CRYBG1: variants seen among roughly 807,000 people sequenced by gnomAD.
CRYBG1 encodes the protein beta/gamma crystallin domain-containing protein 1.
CRYBG1 carries 139 observed loss-of-function variants against 189.2 expected under a neutral mutation model. The observed-to-expected ratio is 0.73, with a 90% CI of 0.64 to 0.85. The LOEUF is 0.85. Among genes scored for constraint, CRYBG1 ranks in the 40% least tolerant of loss-of-function variants. The pLI is 0.00. For synonymous variants in CRYBG1, 1,023 were observed against 1,017.1 expected (o/e 1.01, Z -0.11); for missense variants, 2,611 against 2,675.8 (o/e 0.98, Z 0.53).
At position 106,560,800 on chromosome 6, in the gene CRYBG1, C is replaced by A; in HGVS notation, c.5856-3C>A. ...CACTTACTGTGGTTATTTTTGTTTT[C>A]AGATGGGTTACTTATGAATATGGCA... On this transcript the variant is annotated splice_region_variant and splice_polypyrimidine_tract_variant and intron_variant, in intron 18 of 21. Coordinates refer to ENST00000633556, the MANE Select transcript of CRYBG1 (RefSeq NM_001371242.2). The A allele has an allele frequency of 6.2e-7, 1 of 1,600,966 alleles. No homozygotes were observed. The highest frequency in any genetic ancestry group is 1.1e-5 in the South Asian group (1 of 88,152).
chr6:106,432,250 G>A (rs184063759), intron 1 of CRYBG1, among the ~76,000 whole-genome samples: 1 of 152,176 alleles, frequency 6.6e-6, no homozygotes, highest in Non-Finnish European at 1.5e-5. Context: ...AATGCTTTCT[G>A]CATGACTTTG....
chr6:106,370,382 A>G (rs760683195), intron 1 of CRYBG1, among the ~76,000 whole-genome samples: 25 of 152,226 alleles, frequency 1.6e-4, no homozygotes, highest in Non-Finnish European at 1.8e-4. Context: ...GTTGCTGCCC[A>G]TGCTAAAGAG....
intron 18 of CRYBG1, among the ~76,000 whole-genome samples, chr6:106,559,782 A>G (rs1027489494): frequency 6.6e-6 from 1 of 151,420 alleles, no homozygotes; most frequent in Non-Finnish European, 1.5e-5. Context: ...GTGAAACTCC[A>G]TCTAAAAAAG....
chr6:106,526,958 A>AG (rs1773751944), intron 6 of CRYBG1, among the ~76,000 whole-genome samples: 1 of 150,366 alleles, frequency 6.7e-6, no homozygotes, highest in South Asian at 2.1e-4. Context: ...AAAAAAAAAA[A>AG]AGAGACAAAA....
At chr6:106,403,520 T>C (rs1280789304) in intron 1 of CRYBG1, among the ~76,000 whole-genome samples, 1 of 152,232 alleles carries the variant, frequency 6.6e-6, no homozygotes, top group Non-Finnish European at 1.5e-5. Context: ...GGAATGGCAA[T>C]TGGATTTGTT....
chr6:106,498,047 G>T (rs1340217063), intron 2 of CRYBG1, among the ~76,000 whole-genome samples: 2 of 149,964 alleles, frequency 1.3e-5, no homozygotes, highest in African/African-American at 4.9e-5. Flanking sequence ...GTTGCATTGA[G>T]CCAAGATCAC....
intron 11 of CRYBG1, 38 bp downstream of exon 11, chr6:106,543,635 T>TC: frequency 1.3e-6 from 2 of 1,588,704 alleles, no homozygotes; most frequent in Admixed American, 1.8e-5. Context: ...TTCTTTTTTT[T>TC]CCGAAATATT....
chr6:106,511,231 A>G (rs1773251281), intron 2 of CRYBG1, among the ~76,000 whole-genome samples, 199 bp from the exon 3 acceptor site: 1 of 152,222 alleles, frequency 6.6e-6, no homozygotes, highest in Admixed American at 6.5e-5. Context: ...ACTGCCAGAA[A>G]CTTAAGGTGT....
chr6:106,478,155 G>A (rs567245775), intron 2 of CRYBG1, among the ~76,000 whole-genome samples: 40 of 152,322 alleles, frequency 2.6e-4, no homozygotes, highest in Non-Finnish European at 4.6e-4. Flanking sequence ...ATAATCCCTC[G>A]TATCCTTCAA....
At chr6:106,415,410 A>G (rs1053949735) in intron 1 of CRYBG1, among the ~76,000 whole-genome samples, 6 of 152,170 alleles carry the variant, frequency 3.9e-5, no homozygotes, top group African/African-American at 1.4e-4. Flanking sequence ...GAAATGGAAC[A>G]AAAGTCCTTC....
chr6:106,402,814 A>T (rs1770746654), intron 1 of CRYBG1, among the ~76,000 whole-genome samples: 1 of 152,066 alleles, frequency 6.6e-6, no homozygotes, highest in African/African-American at 2.4e-5. Context: ...TGAAGGAATG[A>T]TAATTAGCTC....
chr6:106,381,329 T>C (rs1274198640), intron 1 of CRYBG1, among the ~76,000 whole-genome samples: 2 of 152,184 alleles, frequency 1.3e-5, no homozygotes. Context: ...TGGCCAAAAT[T>C]CCTAAATTCT....
Position 106,571,635 on chromosome 6 carries a change from G to A in CRYBG1, c.*3069G>A, listed in dbSNP as rs966906603. 9.5e-6 allele frequency: 2 copies of A among 209,794 alleles called. No individual in the cohort carries two copies. Among genetic ancestry groups the A allele is most frequent in the Admixed American group, 1.1e-4 (2 of 18,068 alleles). The allele number at this position is 209,794 out of a possible 1,614,324, so 13.0% of individuals were successfully genotyped here. ...AATCGCTTAAGGTCAAGGCTGCAGT[G>A]AGCTGTGATTGTGCCACTGCACTCC... is the stretch of plus-strand genomic sequence containing the variant. On this transcript the variant is annotated 3_prime_UTR_variant, in exon 22 of 22. Coordinates refer to ENST00000633556, the MANE Select transcript of CRYBG1 (RefSeq NM_001371242.2).
intron 2 of CRYBG1, among the ~76,000 whole-genome samples, chr6:106,489,111 G>T (rs1181658034): frequency 6.6e-6 from 1 of 152,284 alleles, no homozygotes. Context: ...CATAAGAAAG[G>T]TCTCTCCAGC....
At chr6:106,371,003 A>T (rs76471676) in intron 1 of CRYBG1, among the ~76,000 whole-genome samples, 3,358 of 152,284 alleles carry the variant, frequency 0.022, 55 homozygotes, top group South Asian at 0.059. Context: ...CCTACTACCT[A>T]AAAAAAGCCA....
chr6:106,480,294 A>G (rs1772419938), intron 2 of CRYBG1, among the ~76,000 whole-genome samples: 1 of 152,112 alleles, frequency 6.6e-6, no homozygotes, highest in Admixed American at 6.6e-5. Flanking sequence ...TATGATAGGG[A>G]AAAGTGATGC....
rs371472208 is a variant in CRYBG1 at position 106,571,945 on chromosome 6, A to C, written c.*3379A>C. 7.2e-7 allele frequency: 1 copy of C among 1,395,798 alleles called. No individual in the cohort carries two copies. The highest frequency in any genetic ancestry group is 1.7e-5 in the Admixed American group (1 of 58,578). The allele number at this position is 1,395,798 out of a possible 1,614,324, so 86.5% of individuals were successfully genotyped here. On this transcript the variant is annotated 3_prime_UTR_variant, in exon 22 of 22. Transcript: ENST00000633556. Reference sequence around the variant, plus strand: ...GATGGCTAGAAAAAAATTTGGGCTCACAGGCACTCACCAAATAAGAACGTC... The same window carrying C: ...GATGGCTAGAAAAAAATTTGGGCTCCCAGGCACTCACCAAATAAGAACGTC...
At chr6:106,521,534 C>A in intron 4 of CRYBG1, 81 bp downstream of exon 4, 1 of 1,402,402 alleles carries the variant, frequency 7.1e-7, no homozygotes, top group Non-Finnish European at 9.6e-7. Context: ...TCATGTTATT[C>A]TTTTAGAAAT....
rs752512015 is a variant in CRYBG1 at position 106,512,785 on chromosome 6, G to A, written c.1668G>A (p.Ala556=). ...PDPSPVTKGT[A]AESGEEAARA... is the part of the protein sequence containing the mutation. The stretch of plus-strand genomic sequence containing the variant: ...CCAGCCCAGTCACCAAGGGCACTGC[G>A]GCCGAGAGCGGGGAGGAGGCGGCGC... Residue 556 remains alanine, a synonymous_variant, in exon 3 of 22, where the codon GCG becomes GCA. Coordinates refer to ENST00000633556, the MANE Select transcript of CRYBG1 (RefSeq NM_001371242.2). The A allele has an allele frequency of 1.3e-6, 2 of 1,581,302 alleles. No homozygotes were observed. The highest frequency in any genetic ancestry group is 1.1e-5 in the South Asian group (1 of 87,448).
Sources: allele counts gnomAD v4.1 joint callset (sites outside exome capture counted in the v4.1 genomes callset), GRCh38; gene constraint gnomAD v4.1.1; transcripts MANE v1.5; gene names NCBI Gene and HGNC (gene_info 2026-07-23, HGNC 2026-07-21).